The following CMBL variants were observed in gnomAD, a reference collection of about 807,000 sequenced individuals.
CMBL encodes carboxymethylenebutenolidase homolog.
CMBL carries 17 observed loss-of-function variants against 28.7 expected under a neutral mutation model. The observed-to-expected ratio is 0.59, with a 90% CI of 0.41 to 0.89. CMBL has a LOEUF of 0.89. Ranked by LOEUF, CMBL falls within the 40% of genes least tolerant of loss-of-function variation. The pLI, the probability that CMBL is intolerant of heterozygous loss-of-function variation, is 0.00. For missense variants in CMBL, 310 were observed against 298.5 expected (o/e 1.04, Z -0.28); for synonymous variants, 106 against 101.6 (o/e 1.04, Z -0.26).
At position 10,291,640 on chromosome 5, in the gene CMBL, G is replaced by C. The variant is rs191908584; in HGVS notation, c.-19-859C>G. Reference sequence around the variant, plus strand: ...CGCGCCACTGCACTCCAGCCTGGGGGACAGAGCGAGACGCCGTCTCAAAAA... The same window carrying C: ...CGCGCCACTGCACTCCAGCCTGGGGCACAGAGCGAGACGCCGTCTCAAAAA... On this transcript the variant is annotated intron_variant, in intron 1 of 5. Transcript: ENST00000296658. Among the ~76,000 whole-genome samples the C allele has an allele frequency of 3.3e-5, 5 of 150,082 alleles. No homozygotes were observed. In the East Asian group the frequency reaches 9.7e-4, roughly 29 times the overall value.
At position 10,290,990 on chromosome 5, in the gene CMBL, A is replaced by C. The variant is rs543457322; in HGVS notation, c.-19-209T>G. ...GAAATGCCGGATTGAATAACAACAA[A>C]ACAACAAAAAATAGCGATGAAAGAA... On this transcript the variant is annotated intron_variant, in intron 1 of 5. Transcript: ENST00000296658. 5.3e-5 allele frequency among the ~76,000 whole-genome samples: 8 copies of C among 152,284 alleles called. No individual in the cohort carries two copies. The East Asian group carries it at 1.2e-3, about 22-fold the overall frequency.
At chr5:10,304,831 G>A (rs895736963) in intron 1 of CMBL, among the ~76,000 whole-genome samples, 6 of 151,918 alleles carry the variant, frequency 3.9e-5, no homozygotes, top group African/African-American at 7.3e-5. Flanking sequence ...GCATGGAAAC[G>A]GGATAGAATT....
At chr5:10,299,610 C>CG (rs1190520840) in intron 1 of CMBL, among the ~76,000 whole-genome samples, 2 of 150,262 alleles carry the variant, frequency 1.3e-5, no homozygotes, top group African/African-American at 4.9e-5. Flanking sequence ...AGGCCAAGGC[C>CG]GGGGGGATCA....
At chr5:10,285,239 G>A (rs527572968) in intron 4 of CMBL, among the ~76,000 whole-genome samples, 15 of 152,144 alleles carry the variant, frequency 9.9e-5, no homozygotes, top group Non-Finnish European at 1.9e-4. Context: ...CACAATCTTG[G>A]TTCACAGCAA....
intron 1 of CMBL, among the ~76,000 whole-genome samples, chr5:10,294,023 G>C (rs1220900531): frequency 6.6e-6 from 1 of 152,190 alleles, no homozygotes; most frequent in East Asian, 1.9e-4. Context: ...GCGAGGGGTG[G>C]TGCCCTGCAG....
At chr5:10,280,925 C>T (rs1236481278) in intron 5 of CMBL, among the ~76,000 whole-genome samples, 1 of 152,222 alleles carries the variant, frequency 6.6e-6, no homozygotes, top group Admixed American at 6.5e-5. Flanking sequence ...AGGCACCCGC[C>T]ACCATGCCCA....
chr5:10,290,259 C>A (rs1022629892), intron 2 of CMBL: 2 of 417,028 alleles, frequency 4.8e-6, no homozygotes, highest in Non-Finnish European at 4.4e-6. Flanking sequence ...CCAGTGCCTG[C>A]GTCTGGCTGA....
At chr5:10,286,754 C>T (rs1173206645) in intron 3 of CMBL, among the ~76,000 whole-genome samples, 1 of 152,200 alleles carries the variant, frequency 6.6e-6, no homozygotes, top group Non-Finnish European at 1.5e-5. Context: ...GGTCCAACTG[C>T]CTCACTCCCA....
intron 1 of CMBL, among the ~76,000 whole-genome samples, chr5:10,304,563 C>G (rs1193654623): frequency 1.3e-5 from 2 of 152,216 alleles, no homozygotes; most frequent in Non-Finnish European, 2.9e-5. Flanking sequence ...GGCTGCAACA[C>G]TTTATGAGAA....
At position 10,290,740 on chromosome 5, in the gene CMBL, C is replaced by T. The variant is rs763697274; in HGVS notation, c.23G>A (p.Cys8Tyr). The T allele has an allele frequency of 2.4e-5, 39 of 1,613,994 alleles. No individual in the cohort carries two copies. The highest frequency in any genetic ancestry group is 6.7e-5 in the Admixed American group (4 of 60,000). Residue 8 changes from cysteine to tyrosine, a missense_variant, in exon 2 of 6, where the codon TGT (cysteine) becomes TAT (tyrosine). Cys to Tyr is a radical substitution (Grantham distance 194). Coordinates refer to ENST00000296658, the MANE Select transcript of CMBL (RefSeq NM_138809.4). ...AAGTCTGTGGCCAATGTCACACGGA[C>T]AAGGATAAGCTTCGTTAGCCATTGC... MANEAYPCPCDIGHRLEY... is the reference protein window; with the variant it reads MANEAYPYPCDIGHRLEY...
chr5:10,297,763 G>A (rs1746834995), intron 1 of CMBL, among the ~76,000 whole-genome samples: 1 of 152,116 alleles, frequency 6.6e-6, no homozygotes, highest in Non-Finnish European at 1.5e-5. Context: ...TGTGACAGGA[G>A]GGTCTGGCGC....
At chr5:10,301,692 C>G (rs1367684255) in intron 1 of CMBL, among the ~76,000 whole-genome samples, 1 of 151,330 alleles carries the variant, frequency 6.6e-6, no homozygotes, top group Non-Finnish European at 1.5e-5. Context: ...AACTCCGCCT[C>G]CCAGGTTCAA....
intron 1 of CMBL, among the ~76,000 whole-genome samples, chr5:10,306,080 G>A (rs1236563397): frequency 6.6e-6 from 1 of 152,134 alleles, no homozygotes; most frequent in Non-Finnish European, 1.5e-5. Flanking sequence ...ACCTTTGGCT[G>A]AAAATTATCT....
chr5:10,292,006 C>G (rs550296298), intron 1 of CMBL: 15 of 152,252 alleles, frequency 9.9e-5, no homozygotes, highest in Non-Finnish European at 1.3e-4. Context: ...AACTGGAAAA[C>G]AGGAAGGAAT....
chr5:10,284,859 T>A (rs887365784), intron 4 of CMBL, among the ~76,000 whole-genome samples: 3 of 152,242 alleles, frequency 2.0e-5, no homozygotes, highest in African/African-American at 7.2e-5. Flanking sequence ...TGCTTCTATA[T>A]CATGAATTTA....
At chr5:10,286,608 G>C in intron 3 of CMBL, 112 bp from the exon 4 acceptor site, 2 of 985,982 alleles carry the variant, frequency 2.0e-6, no homozygotes, top group Non-Finnish European at 1.4e-6. Context: ...AGTTGCCAAG[G>C]TTTCTTCTTT....
rs1023454077 is a variant in CMBL at position 10,300,885 on chromosome 5, T to C, written c.-20+6740A>G. 2.3e-4 allele frequency among the ~76,000 whole-genome samples: 34 copies of C among 148,800 alleles called. No homozygotes were observed. In the East Asian group the frequency reaches 6.6e-3, roughly 29 times the overall value. Reference sequence around the variant, plus strand: ...ATTTATTTTTATTTAAAAATAGAAATACAAAACTTGAAAAATCTCAAAGAC... The same window carrying C: ...ATTTATTTTTATTTAAAAATAGAAACACAAAACTTGAAAAATCTCAAAGAC... On this transcript the variant is annotated intron_variant, in intron 1 of 5. Coordinates refer to ENST00000296658, the MANE Select transcript of CMBL (RefSeq NM_138809.4).
intron 1 of CMBL, among the ~76,000 whole-genome samples, chr5:10,295,469 G>A (rs1746793540): frequency 6.6e-6 from 1 of 152,226 alleles, no homozygotes; most frequent in Admixed American, 6.5e-5. Flanking sequence ...ATTCCCAGCT[G>A]AGGACACACA....
intron 1 of CMBL, among the ~76,000 whole-genome samples, chr5:10,301,642 A>C (rs1205451000): frequency 7.8e-6 from 1 of 128,974 alleles, no homozygotes. Flanking sequence ...TCGCTCTCTC[A>C]CCCAGGCTGG....
Sources: allele counts gnomAD v4.1 joint callset (sites outside exome capture counted in the v4.1 genomes callset), GRCh38; gene constraint gnomAD v4.1.1; transcripts MANE v1.5; gene names NCBI Gene and HGNC (gene_info 2026-07-23, HGNC 2026-07-21).